The following MAN1C1 variants were observed in gnomAD, a reference collection of about 807,000 sequenced individuals.
MAN1C1 encodes the protein mannosyl-oligosaccharide 1,2-alpha-mannosidase IC.
A neutral mutation model predicts 71.5 loss-of-function variants in MAN1C1; 49 were observed. That is an observed-to-expected ratio of 0.69 (90% CI 0.54 to 0.87). The LOEUF (loss-of-function observed/expected upper bound fraction) is 0.87, where lower values mean the gene tolerates loss of function less well. MAN1C1 is among the 40% of genes least tolerant of loss of function. The pLI, the probability that MAN1C1 is intolerant of heterozygous loss-of-function variation, is 0.00. For missense variants in MAN1C1, 743 were observed against 835.0 expected (o/e 0.89, Z 1.36); for synonymous variants, 352 against 343.7 (o/e 1.02, Z -0.27).
At chr1:25,663,225 A>G (rs2124107545) in intron 1 of MAN1C1, among the ~76,000 whole-genome samples, 1 of 150,270 alleles carries the variant, frequency 6.7e-6, no homozygotes, top group Admixed American at 6.6e-5. Context: ...ATAAATAAAT[A>G]ATATGATCTC....
chr1:25,721,407 G>A (rs540770704), intron 2 of MAN1C1, among the ~76,000 whole-genome samples: 1 of 152,246 alleles, frequency 6.6e-6, no homozygotes, highest in East Asian at 1.9e-4. Flanking sequence ...AAGTTTTCCG[G>A]TTCATGAATA....
At chr1:25,770,814 TTTTC>T (rs2047540599) in intron 7 of MAN1C1, among the ~76,000 whole-genome samples, 1 of 135,872 alleles carries the variant, frequency 7.4e-6, no homozygotes, top group Non-Finnish European at 1.6e-5. Flanking sequence ...TCCACCCCCA[TTTTC>T]TTTCTTCTCT....
intron 3 of MAN1C1, among the ~76,000 whole-genome samples, chr1:25,748,886 A>G (rs2066995): frequency 0.7 from 106,377 of 152,006 alleles, 37,233 homozygotes; most frequent in Middle Eastern, 0.84. Context: ...GTCTCCTCCA[A>G]GAAGGTGAAG....
intron 2 of MAN1C1, among the ~76,000 whole-genome samples, chr1:25,701,917 G>A (rs780494264): frequency 5.3e-5 from 8 of 152,076 alleles, no homozygotes; most frequent in South Asian, 4.1e-4. Context: ...AAAATCAGCC[G>A]GGCGTGGTGG....
At chr1:25,693,243 A>G in intron 2 of MAN1C1, among the ~76,000 whole-genome samples, 1 of 152,216 alleles carries the variant, frequency 6.6e-6, no homozygotes, top group Admixed American at 6.5e-5. Context: ...GGATCATTAT[A>G]AAGGTCTTCA....
intron 2 of MAN1C1, among the ~76,000 whole-genome samples, chr1:25,692,432 G>A (rs2046321336): frequency 6.6e-6 from 1 of 152,132 alleles, no homozygotes; most frequent in South Asian, 2.1e-4. Context: ...TTGCTGTGTT[G>A]CCTGGGCTGA....
chr1:25,743,764 T>C (rs1572188940), intron 2 of MAN1C1, among the ~76,000 whole-genome samples: 1 of 151,922 alleles, frequency 6.6e-6, no homozygotes. Context: ...GCGCATGGGG[T>C]GAAAACACCA....
intron 1 of MAN1C1, among the ~76,000 whole-genome samples, chr1:25,657,938 C>G (rs1007171138): frequency 6.6e-6 from 1 of 152,198 alleles, no homozygotes; most frequent in Non-Finnish European, 1.5e-5. Context: ...GACACACACA[C>G]AGCGTGACCC....
At chr1:25,644,331 A>G (rs1302501629) in intron 1 of MAN1C1, among the ~76,000 whole-genome samples, 1 of 151,674 alleles carries the variant, frequency 6.6e-6, no homozygotes, top group Admixed American at 6.6e-5. Flanking sequence ...TACCTGGGAC[A>G]CAAGGTGACA....
chr1:25,749,826 C>T (rs2047190776), intron 4 of MAN1C1, among the ~76,000 whole-genome samples: 1 of 152,236 alleles, frequency 6.6e-6, no homozygotes, highest in Admixed American at 6.5e-5. Context: ...ACCCCCAGGC[C>T]TTGTCCTCCA....
At chr1:25,743,304 C>T (rs1361065003) in intron 2 of MAN1C1, among the ~76,000 whole-genome samples, 1 of 152,216 alleles carries the variant, frequency 6.6e-6, no homozygotes. Context: ...AGTGGACCAA[C>T]ATGGAGCCCG....
chr1:25,658,048 C>T (rs1335121828), intron 1 of MAN1C1, among the ~76,000 whole-genome samples: 1 of 152,238 alleles, frequency 6.6e-6, no homozygotes, highest in African/African-American at 2.4e-5. Flanking sequence ...GCTGCCCTGC[C>T]CCCTGGCCTT....
chr1:25,666,768 A>C (rs1227500334), intron 1 of MAN1C1, among the ~76,000 whole-genome samples: 1 of 152,186 alleles, frequency 6.6e-6, no homozygotes, highest in African/African-American at 2.4e-5. Context: ...CCTTTCTTTT[A>C]TGGGGATATT....
chr1:25,756,825 A>G (rs538404083), intron 5 of MAN1C1, among the ~76,000 whole-genome samples: 5 of 152,250 alleles, frequency 3.3e-5, no homozygotes, highest in Non-Finnish European at 7.4e-5. Flanking sequence ...TGGGCTTTCA[A>G]TGAAAGTAGT....
intron 6 of MAN1C1, among the ~76,000 whole-genome samples, chr1:25,762,863 A>T (rs1317300808): frequency 6.6e-6 from 1 of 152,236 alleles, no homozygotes; most frequent in Non-Finnish European, 1.5e-5. Context: ...TTTCCTTTGT[A>T]TATATACCCA....
In MAN1C1 at chr1:25,696,807, G is replaced by A. The variant is rs150961271; in HGVS notation, c.637+10271G>A. Among the ~76,000 whole-genome samples, 436 of 152,098 alleles carry A rather than the reference G, an allele frequency of 2.9e-3. 5 individuals carry two copies. Among genetic ancestry groups the A allele is most frequent in the Middle Eastern group, 0.017 (5 of 294 alleles). On this transcript the variant is annotated intron_variant, in intron 2 of 11. Transcript: ENST00000374332. ...ACTACAAGCACGGGACACCACGCCT[G>A]GCTAATTTTTTAAATTTTTTGTAGA...
intron 2 of MAN1C1, among the ~76,000 whole-genome samples, chr1:25,705,177 A>G (rs1431315472): frequency 6.6e-6 from 1 of 152,358 alleles, no homozygotes; most frequent in South Asian, 2.1e-4. Flanking sequence ...CAAGAACCAG[A>G]AGGAAAAGTT....
At chr1:25,710,232 C>T (rs2046595982) in intron 2 of MAN1C1, 2 of 152,172 alleles carry the variant, frequency 1.3e-5, no homozygotes, top group African/African-American at 4.8e-5. Flanking sequence ...ATTTATTGAC[C>T]TTGGGTAAAT....
intron 2 of MAN1C1, among the ~76,000 whole-genome samples, chr1:25,690,986 G>A (rs990095479): frequency 6.6e-6 from 1 of 152,174 alleles, no homozygotes; most frequent in African/African-American, 2.4e-5. Flanking sequence ...TACACCTGCC[G>A]CTAGGCTTTG....
Sources: gnomAD v4.1 joint callset for allele counts (sites outside exome capture counted in the v4.1 genomes callset) on GRCh38, gnomAD v4.1.1 for gene constraint, MANE v1.5 for transcripts, NCBI Gene and HGNC (gene_info 2026-07-23, HGNC 2026-07-21) for gene names.